CDH2: variants seen among roughly 807,000 people sequenced by gnomAD.
CDH2 encodes the protein cadherin-2.
In CDH2, 17 loss-of-function variants were observed where a neutral mutation model predicts 92.0. The observed-to-expected ratio is 0.18, with a 90% CI of 0.13 to 0.28. The LOEUF (loss-of-function observed/expected upper bound fraction) is 0.28, where lower values mean the gene tolerates loss of function less well. Among genes scored for constraint, CDH2 ranks in the 10% least tolerant of loss-of-function variants. The pLI, the probability that CDH2 is intolerant of heterozygous loss-of-function variation, is 1.00. For missense variants in CDH2, 862 were observed against 1,133.1 expected (o/e 0.76, Z 3.44); for synonymous variants, 419 against 415.9 (o/e 1.01, Z -0.09).
chr18:28,042,264 T>C (rs977743440), intron 2 of CDH2, among the ~76,000 whole-genome samples: 6 of 152,196 alleles, frequency 3.9e-5, no homozygotes, highest in African/African-American at 1.4e-4. Flanking sequence ...TAAGATAGCA[T>C]TGGAATTAGG....
chr18:28,092,434 TTTTG>T (rs368909236), intron 2 of CDH2, among the ~76,000 whole-genome samples: 21 of 152,222 alleles, frequency 1.4e-4, no homozygotes, highest in Non-Finnish European at 2.9e-4. Context: ...GCACACATAA[TTTTG>T]TTTGTCACCC....
rs1027046836 is a variant in CDH2, at chr18:28,177,032, G to A, written c.-10C>T. The A allele has an allele frequency of 4.9e-5, 73 of 1,488,244 alleles. No individual in the cohort carries two copies. The highest frequency in any genetic ancestry group is 5.9e-5 in the Non-Finnish European group (66 of 1,122,842). The allele number at this position is 1,488,244 out of a possible 1,614,324, so 92.2% of individuals were successfully genotyped here. On this transcript the variant is annotated 5_prime_UTR_variant, in exon 1 of 16. Transcript: ENST00000269141. ...CCGCTATCCGGCACATGGAGGCGGA[G>A]AGGGGCCGAGCGAAGAGCCGGAGGA...
At chr18:28,105,574 A>T (rs965371515) in intron 2 of CDH2, among the ~76,000 whole-genome samples, 13 of 152,164 alleles carry the variant, frequency 8.5e-5, no homozygotes, top group African/African-American at 1.9e-4. Context: ...TACATAAATT[A>T]AAAAATTATT....
chr18:28,044,431 T>C (rs1434712851), intron 2 of CDH2, among the ~76,000 whole-genome samples: 4 of 152,214 alleles, frequency 2.6e-5, no homozygotes, highest in Admixed American at 1.3e-4. Flanking sequence ...AAAAGAATAC[T>C]ATCACACCCC....
chr18:27,936,763 G>A (rs1012702284), intron 6 of CDH2, among the ~76,000 whole-genome samples: 1 of 151,972 alleles, frequency 6.6e-6, no homozygotes, highest in African/African-American at 2.4e-5. Flanking sequence ...TCAAACTCCT[G>A]GGCTCAAGTG....
chr18:27,943,678 C>T (rs1909197523), intron 6 of CDH2, among the ~76,000 whole-genome samples: 2 of 152,114 alleles, frequency 1.3e-5, no homozygotes, highest in African/African-American at 4.8e-5. Context: ...CTGGAAAGAA[C>T]TCAGTATTAA....
At chr18:28,030,967 C>T (rs2013679876) in intron 2 of CDH2, among the ~76,000 whole-genome samples, 1 of 151,834 alleles carries the variant, frequency 6.6e-6, no homozygotes, top group Admixed American at 6.6e-5. Flanking sequence ...TCATGACCTT[C>T]CCTGATCCAT....
chr18:28,164,891 A>G (rs1026284518), intron 1 of CDH2, among the ~76,000 whole-genome samples: 1 of 152,226 alleles, frequency 6.6e-6, no homozygotes, highest in Admixed American at 6.5e-5. Flanking sequence ...CAGCCTAGAT[A>G]ACATCTGTTA....
At chr18:28,145,711 GT>G (rs1197566202) in intron 2 of CDH2, among the ~76,000 whole-genome samples, 1 of 151,578 alleles carries the variant, frequency 6.6e-6, no homozygotes, top group Non-Finnish European at 1.5e-5. Flanking sequence ...CCAAAAAGTT[GT>G]TTTTTTCTAC....
intron 2 of CDH2, chr18:28,036,479 A>C: frequency 1.3e-6 from 2 of 1,566,930 alleles, no homozygotes; most frequent in East Asian, 4.5e-5. Context: ...CCTGAAAGGA[A>C]AACATACAAT....
chr18:27,938,111 GC>G (rs1909059537), intron 6 of CDH2, among the ~76,000 whole-genome samples: 1 of 151,834 alleles, frequency 6.6e-6, no homozygotes. Context: ...GTGTGGCACC[GC>G]CCCCATCTCT....
intron 2 of CDH2, among the ~76,000 whole-genome samples, chr18:28,028,253 T>C (rs749066917): frequency 6.6e-6 from 1 of 152,018 alleles, no homozygotes; most frequent in South Asian, 2.1e-4. Flanking sequence ...TGAGAACAAA[T>C]GTGTCCCCTG....
intron 2 of CDH2, among the ~76,000 whole-genome samples, chr18:28,073,962 A>T (rs1390137614): frequency 2.6e-5 from 4 of 152,200 alleles, no homozygotes; most frequent in African/African-American, 4.8e-5. Flanking sequence ...TGTTATTTAC[A>T]TTGTATTAAT....
At chr18:27,989,974 T>C (rs1436767636) in intron 10 of CDH2, 123 bp downstream of exon 10, 2 of 784,182 alleles carry the variant, frequency 2.6e-6, no homozygotes, top group Non-Finnish European at 4.0e-6. Flanking sequence ...AATTTTAAAT[T>C]ATCTTTTAAT....
At chr18:28,086,052 A>G (rs2014921189) in intron 2 of CDH2, among the ~76,000 whole-genome samples, 1 of 152,152 alleles carries the variant, frequency 6.6e-6, no homozygotes, top group Non-Finnish European at 1.5e-5. Context: ...CCAGAATACA[A>G]GACCTTTGAG....
Position 27,982,835 on chromosome 18 carries a change from T to C in CDH2, c.2349+109A>G. 3 of 630,538 alleles carry C rather than the reference T, an allele frequency of 4.8e-6. No homozygotes were observed. In the South Asian group the frequency reaches 1.2e-4, roughly 25 times the overall value. The allele number at this position is 630,538 out of a possible 1,614,324, so 39.1% of individuals were successfully genotyped here. On this transcript the variant is annotated intron_variant, in intron 14 of 15. Coordinates refer to ENST00000269141, the MANE Select transcript of CDH2 (RefSeq NM_001792.5). Reference sequence around the variant, plus strand: ...AGGAAACAATTTACCAAATGACTGATAACAGGAGGGAAACCTGATACCATT... The same window carrying C: ...AGGAAACAATTTACCAAATGACTGACAACAGGAGGGAAACCTGATACCATT...
intron 7 of CDH2, among the ~76,000 whole-genome samples, chr18:27,994,753 T>C (rs1397921424): frequency 6.6e-6 from 1 of 152,008 alleles, no homozygotes; most frequent in Non-Finnish European, 1.5e-5. Flanking sequence ...ACACACAAAT[T>C]GTAGCTTTTG....
chr18:28,080,302 A>G (rs1466118177), intron 2 of CDH2, among the ~76,000 whole-genome samples: 1 of 152,202 alleles, frequency 6.6e-6, no homozygotes, highest in African/African-American at 2.4e-5. Flanking sequence ...TCAGAAATCT[A>G]TGTTTTCACT....
rs549228091 is a variant in CDH2 at position 28,059,774 on chromosome 18, T to C, written c.173-45865A>G. Among the ~76,000 whole-genome samples, 4 of 152,368 alleles carry C rather than the reference T, an allele frequency of 2.6e-5. No homozygotes were observed. The South Asian group carries it at 8.3e-4, about 32-fold the overall frequency. On this transcript the variant is annotated intron_variant, in intron 2 of 15. Coordinates refer to ENST00000269141, the MANE Select transcript of CDH2 (RefSeq NM_001792.5). ...TGTTTCATATATGTGTAAATGTATG[T>C]ATATTATATATCTGAACACACACAT...
Sources: gnomAD v4.1 joint callset for allele counts (sites outside exome capture counted in the v4.1 genomes callset) on GRCh38, gnomAD v4.1.1 for gene constraint, MANE v1.5 for transcripts, NCBI Gene and HGNC (gene_info 2026-07-23, HGNC 2026-07-21) for gene names.